The following PIP4K2B variants were observed in gnomAD, a reference collection of about 807,000 sequenced individuals.
PIP4K2B encodes phosphatidylinositol-5-phosphate 4-kinase type 2 beta, also known as phosphatidylinositol 5-phosphate 4-kinase type-2 beta.
A neutral mutation model predicts 42.0 loss-of-function variants in PIP4K2B; 3 were observed. The observed-to-expected ratio is 0.07, with a 90% confidence interval of 0.03 to 0.18. PIP4K2B has a LOEUF of 0.18. Ranked by LOEUF, PIP4K2B falls within the 10% of genes least tolerant of loss-of-function variation. PIP4K2B has a pLI of 1.00. For missense variants in PIP4K2B, 332 were observed against 562.3 expected, an observed-to-expected ratio of 0.59 and a Z score of 4.14; for synonymous variants, 204 against 210.1, an observed-to-expected ratio of 0.97 and a Z score of 0.25.
At position 38,780,590 on chromosome 17, in the gene PIP4K2B, G is replaced by A. The variant is rs763143380; in HGVS notation, c.369C>T (p.Arg123=). Residue 123 remains arginine, a synonymous_variant, in exon 4 of 10, where the codon CGC becomes CGT. Transcript: ENST00000619039. Reference sequence around the variant, plus strand: ...GGCTGTCACTGTTGATGGGGGCGCTGCGCGTCACTGAATTCTGATAATCGA... The same window carrying A: ...GGCTGTCACTGTTGATGGGGGCGCTACGCGTCACTGAATTCTGATAATCGA... ...DDQDYQNSVT[R]SAPINSDSQG... is the part of the protein sequence containing the mutation. The A allele has an allele frequency of 3.1e-6, 5 of 1,611,548 alleles. No homozygotes were observed. In the African/African-American group the frequency reaches 4.0e-5, roughly 13 times the overall value.
At chr17:38,773,841 C>A (rs887941418) in intron 7 of PIP4K2B, among the ~76,000 whole-genome samples, 1 of 152,190 alleles carries the variant, frequency 6.6e-6, no homozygotes, top group East Asian at 1.9e-4. Flanking sequence ...AAGGTCCATG[C>A]ACCATGCCCT....
intron 3 of PIP4K2B, among the ~76,000 whole-genome samples, chr17:38,782,277 T>C (rs192573096): frequency 4.8e-4 from 73 of 152,300 alleles, no homozygotes; most frequent in Non-Finnish European, 8.8e-4. Context: ...AAGTGGCTGG[T>C]AGTCCAAGAA....
rs371290459 is a variant in PIP4K2B at position 38,779,414 on chromosome 17, C to T, written c.623G>A (p.Arg208Gln). 16 of 1,612,958 alleles carry T rather than the reference C, an allele frequency of 9.9e-6. No homozygotes were observed. Among genetic ancestry groups the T allele is most frequent in the African/African-American group, 1.3e-5 (1 of 74,910 alleles). Residue 208 changes from arginine to glutamine, a missense_variant, in exon 5 of 10, where the codon CGG (arginine) becomes CAG (glutamine). This residue lies in a region of PIP4K2B where 186 missense variants were observed against 288.4 expected (regional missense o/e 0.64). Transcript: ENST00000619039. ...GTCATACTTGCGATGCACAGTGAGC[C>T]GATGGCTGAACACGTTCCTGGTAAC... ...MVVTRNVFSH[R>Q]LTVHRKYDLK...
intron 1 of PIP4K2B, among the ~76,000 whole-genome samples, chr17:38,790,561 C>T (rs1333355816): frequency 2.0e-5 from 3 of 152,144 alleles, no homozygotes; most frequent in Non-Finnish European, 2.9e-5. Context: ...TGGGTTCAAG[C>T]GATTCTCCTG....
At chr17:38,788,823 G>C (rs1188364238) in intron 1 of PIP4K2B, among the ~76,000 whole-genome samples, 1 of 151,982 alleles carries the variant, frequency 6.6e-6, no homozygotes, top group Non-Finnish European at 1.5e-5. Flanking sequence ...TGTGGTGGAA[G>C]CCACCTGTAA....
chr17:38,786,692 G>C, intron 2 of PIP4K2B, 131 bp downstream of exon 2: 1 of 716,416 alleles, frequency 1.4e-6, no homozygotes, highest in Non-Finnish European at 2.5e-6. Flanking sequence ...TGTCCGCTCT[G>C]AGATCCAGGT....
At chr17:38,772,907 T>C (rs1413589402) in intron 7 of PIP4K2B, among the ~76,000 whole-genome samples, 1 of 152,200 alleles carries the variant, frequency 6.6e-6, no homozygotes, top group East Asian at 1.9e-4. Flanking sequence ...GTGAAAGCTC[T>C]TGACTTACAA....
At chr17:38,791,136 C>T (rs1040740924) in intron 1 of PIP4K2B, among the ~76,000 whole-genome samples, 3 of 152,114 alleles carry the variant, frequency 2.0e-5, no homozygotes, top group African/African-American at 4.8e-5. Context: ...TCCAGGGATA[C>T]AGACATCAAG....
Position 38,771,062 on chromosome 17 carries a change from C to T in PIP4K2B, c.1018G>A (p.Gly340Arg). Residue 340 changes from glycine to arginine, a missense_variant, in exon 8 of 10, where the codon GGG becomes AGG. Coordinates refer to ENST00000619039, the MANE Select transcript of PIP4K2B (RefSeq NM_003559.5). Reference sequence around the variant, plus strand: ...ACGTCAACAGAGGGGTCGAATTCCCCAGGACCAAAGAACCGAGGAAAGCTG... The same window carrying T: ...ACGTCAACAGAGGGGTCGAATTCCCTAGGACCAAAGAACCGAGGAAAGCTG... Reference protein sequence around the residue: ...LLSFPRFFGPGEFDPSVDVYA... With the variant: ...LLSFPRFFGPREFDPSVDVYA... 1 of 1,614,152 alleles carries T rather than the reference C, an allele frequency of 6.2e-7. No homozygotes were observed. The highest frequency in any genetic ancestry group is 1.1e-5 in the South Asian group (1 of 91,082).
At chr17:38,794,236 T>C (rs540280285) in intron 1 of PIP4K2B, among the ~76,000 whole-genome samples, 10 of 152,172 alleles carry the variant, frequency 6.6e-5, no homozygotes, top group South Asian at 4.1e-4. Context: ...GAAAAACATA[T>C]ATTGCATGAT....
intron 3 of PIP4K2B, among the ~76,000 whole-genome samples, chr17:38,782,357 CA>C: frequency 6.6e-6 from 1 of 152,206 alleles, no homozygotes; most frequent in East Asian, 1.9e-4. Context: ...CATGCGCCCA[CA>C]AGGCTACTAG....
chr17:38,787,854 T>TCC (rs1476426705), intron 1 of PIP4K2B, among the ~76,000 whole-genome samples: 4 of 152,228 alleles, frequency 2.6e-5, no homozygotes, highest in African/African-American at 9.6e-5. Context: ...TGCCCTGGCC[T>TCC]CCCAAAGTGT....
At chr17:38,788,223 CAG>C (rs1567660927) in intron 1 of PIP4K2B, among the ~76,000 whole-genome samples, 1 of 142,542 alleles carries the variant, frequency 7.0e-6, no homozygotes, top group Non-Finnish European at 1.5e-5. Context: ...TATTTATAGA[CAG>C]AGTCTCACTG....
intron 7 of PIP4K2B, among the ~76,000 whole-genome samples, chr17:38,775,099 A>G (rs762276896): frequency 6.6e-5 from 10 of 151,728 alleles, no homozygotes; most frequent in Non-Finnish European, 1.0e-4. Context: ...ACAGGCGCCC[A>G]CCACCACACC....
chr17:38,777,700 T>C lies in PIP4K2B; in HGVS notation c.794A>G (p.Lys265Arg), dbSNP rs1909441473. The C allele has an allele frequency of 6.2e-7, 1 of 1,611,698 alleles. No individual in the cohort carries two copies. The highest frequency in any genetic ancestry group is 2.2e-5 in the East Asian group (1 of 44,870). The part of the protein sequence containing the change: ...ESKKNFLEKL[K>R]RDVEFLAQLK... Reference sequence around the variant, plus strand: ...GTTAGTAAGTACCTCAACGTCCCGCTTCAGTTTCTCCAGGAAGTTCTTTTT... The same window carrying C: ...GTTAGTAAGTACCTCAACGTCCCGCCTCAGTTTCTCCAGGAAGTTCTTTTT... The change falls in exon 7 of 10, where the codon AAG becomes AGG. Residue 265 changes from lysine to arginine, a missense_variant. Physicochemically the swap from Lys to Arg is conservative, Grantham distance 26. Transcript: ENST00000619039.
intron 3 of PIP4K2B, among the ~76,000 whole-genome samples, chr17:38,782,432 A>G (rs993782114): frequency 2.6e-5 from 4 of 152,180 alleles, no homozygotes; most frequent in Admixed American, 1.3e-4. Flanking sequence ...GGAACCCCTC[A>G]CTTGCAACCC....
chr17:38,792,186 T>A (rs1239978682), intron 1 of PIP4K2B, among the ~76,000 whole-genome samples: 2 of 147,898 alleles, frequency 1.4e-5, no homozygotes, highest in African/African-American at 5.0e-5. Flanking sequence ...CTCACTTCCA[T>A]AGGCCAGGCT....
chr17:38,773,975 C>T (rs1344405953), intron 7 of PIP4K2B, among the ~76,000 whole-genome samples: 4 of 152,170 alleles, frequency 2.6e-5, no homozygotes, highest in African/African-American at 9.7e-5. Context: ...AGGACAAAGA[C>T]TCAGGACAAA....
In PIP4K2B at chr17:38,768,096, G is replaced by A. The variant is rs1354009203; in HGVS notation, c.*1595C>T. The A allele has an allele frequency of 2.6e-5, 4 of 152,254 alleles. No individual in the cohort carries two copies. The highest frequency in any genetic ancestry group is 4.4e-5 in the Non-Finnish European group (3 of 68,054). 9.4% of individuals were successfully genotyped at this position (152,254 alleles called of 1,614,324 possible). A position where few individuals can be genotyped will look rare whatever the true frequency, so the allele number is the denominator to read the frequency against. On this transcript the variant is annotated 3_prime_UTR_variant, in exon 10 of 10. Transcript: ENST00000619039. ...TTGGCCAGGTTTGGAGGGAGCCACA[G>A]GAAACCAATCTATTCATTCAAAATG...
Sources: gnomAD v4.1 joint callset for allele counts (sites outside exome capture counted in the v4.1 genomes callset) on GRCh38, gnomAD v4.1.1 for gene constraint, gnomAD v4.1.1 regional missense constraint, MANE v1.5 for transcripts, NCBI Gene and HGNC (gene_info 2026-07-23, HGNC 2026-07-21) for gene names.